CELF1: variants seen among roughly 807,000 people sequenced by gnomAD.
CELF1 encodes the protein CUGBP Elav-like family member 1.
In CELF1, 10 loss-of-function variants were observed where a neutral mutation model predicts 61.8. The ratio of observed to expected loss-of-function variants is 0.16; its 90% CI spans 0.10 to 0.27. The LOEUF (loss-of-function observed/expected upper bound fraction) is 0.27. CELF1 is among the 10% of genes least tolerant of loss of function. The pLI is 1.00. For synonymous variants in CELF1, 236 were observed against 225.1 expected (o/e 1.05, Z -0.43); for missense variants, 380 against 639.1 (o/e 0.59, Z 4.37).
At chr11:47,554,357 T>G (rs1419976369), upstream of CELF1, among the ~76,000 whole-genome samples, 2 of 152,184 alleles carry the variant, frequency 1.3e-5, no homozygotes, top group African/African-American at 4.8e-5. Flanking sequence ...ATCCTATATT[T>G]ATAGACCATT....
chr11:47,545,850 CGTGTGT>C (rs1206141521), intron 1 of CELF1, among the ~76,000 whole-genome samples: 3 of 124,132 alleles, frequency 2.4e-5, no homozygotes, highest in East Asian at 2.3e-4. Flanking sequence ...CATATGTATA[CGTGTGT>C]GTGTGTGTGT....
chr11:47,533,847 A>C (rs2153698221), intron 1 of CELF1, among the ~76,000 whole-genome samples: 2 of 149,142 alleles, frequency 1.3e-5, no homozygotes, highest in South Asian at 4.2e-4. Flanking sequence ...ATTTATAACT[A>C]TTTTAGTGAC....
chr11:47,503,405 C>T (rs895365889), intron 1 of CELF1, among the ~76,000 whole-genome samples: 4 of 152,144 alleles, frequency 2.6e-5, no homozygotes, highest in Non-Finnish European at 4.4e-5. Context: ...AGATTTTACA[C>T]TTCCACCCCA....
In CELF1 at chr11:47,480,089, C is replaced by CG. The variant is rs1366108590; in HGVS notation, c.769-1138_769-1137insC. 7.5e-4 allele frequency among the ~76,000 whole-genome samples: 104 copies of CG among 139,162 alleles called. 1 individual carries two copies. The highest frequency in any genetic ancestry group is 2.7e-3 in the African/African-American group (100 of 37,614). 91.3% of individuals were successfully genotyped at this position (139,162 alleles called of 152,430 possible). On this transcript the variant is annotated intron_variant, in intron 9 of 14. Transcript: ENST00000687097. ...CAGTCCACTAGCACCCACGTCTACA[C>CG]TTTTTTTTTTTTTTTTTTGAGACGG...
chr11:47,484,756 G>A (rs1022061936), intron 6 of CELF1, among the ~76,000 whole-genome samples: 5 of 152,140 alleles, frequency 3.3e-5, no homozygotes, highest in Non-Finnish European at 4.4e-5. Context: ...TCGGCTCACC[G>A]CAAGCTCCGC....
At chr11:47,497,363 C>T (rs2093311923) in intron 3 of CELF1, among the ~76,000 whole-genome samples, 1 of 152,154 alleles carries the variant, frequency 6.6e-6, no homozygotes. Flanking sequence ...CCAGTGGAAG[C>T]TTAAGAGTGA....
chr11:47,541,777 AG>A (rs2096802611), intron 1 of CELF1, among the ~76,000 whole-genome samples: 5 of 16,710 alleles, frequency 3.0e-4, no homozygotes, highest in African/African-American at 6.0e-4. Context: ...AACGAAAGAA[AG>A]AACGAAAGAA....
chr11:47,547,093 A>T (rs12805198), intron 1 of CELF1, among the ~76,000 whole-genome samples: 4 of 141,310 alleles, frequency 2.8e-5, no homozygotes, highest in Non-Finnish European at 4.7e-5. Context: ...AAAAAAAAAA[A>T]GAAAGAAAGA....
chr11:47,507,463 A>C (rs2094603116), intron 1 of CELF1, among the ~76,000 whole-genome samples: 1 of 147,924 alleles, frequency 6.8e-6, no homozygotes. Flanking sequence ...CACTGAAACA[A>C]AAAAAAAAAT....
chr11:47,474,781 C>T (rs2079249106), intron 13 of CELF1, among the ~76,000 whole-genome samples: 1 of 152,196 alleles, frequency 6.6e-6, no homozygotes, highest in Admixed American at 6.5e-5. Flanking sequence ...CACCTTCAGG[C>T]CTCTTTCTGG....
chr11:47,503,321 G>C (rs1338839849), intron 1 of CELF1, among the ~76,000 whole-genome samples: 1 of 152,008 alleles, frequency 6.6e-6, no homozygotes, highest in African/African-American at 2.4e-5. Context: ...GCACAGTTAA[G>C]CAAAAAAGCC....
chr11:47,501,277 C>A (rs1399541232), intron 1 of CELF1, among the ~76,000 whole-genome samples: 1 of 152,148 alleles, frequency 6.6e-6, no homozygotes, highest in Non-Finnish European at 1.5e-5. Flanking sequence ...GGAGACTGTG[C>A]AACTGACACA....
At chr11:47,523,302 G>A (rs2096052636) in intron 1 of CELF1, 1 of 152,134 alleles carries the variant, frequency 6.6e-6, no homozygotes, top group South Asian at 2.1e-4. Context: ...TCCAATGACA[G>A]GCTCTACATA....
At chr11:47,495,942 C>T in intron 3 of CELF1, 1 of 981,276 alleles carries the variant, frequency 1.0e-6, no homozygotes, top group Non-Finnish European at 1.2e-6. Context: ...CAGATACTTA[C>T]CAATCCCTCC....
At chr11:47,561,918 A>C (rs754357141) in intron 2 of CELF1, among the ~76,000 whole-genome samples, 1 of 151,954 alleles carries the variant, frequency 6.6e-6, no homozygotes, top group Non-Finnish European at 1.5e-5. Context: ...ATCAACACAC[A>C]AGTGATATCT....
chr11:47,524,581 T>C (rs2096139353), intron 1 of CELF1: 1 of 152,194 alleles, frequency 6.6e-6, no homozygotes, highest in Admixed American at 6.6e-5. Context: ...GACAGATGGA[T>C]GCACGTAAGA....
At chr11:47,476,990 C>T in intron 11 of CELF1, 31 bp from the exon 12 acceptor site, 1 of 1,544,558 alleles carries the variant, frequency 6.5e-7, no homozygotes, top group Non-Finnish European at 9.0e-7. Context: ...AAAATTCAAC[C>T]CATCACTGGC....
At chr11:47,552,738 C>T (rs1389030887) in intron 1 of CELF1, among the ~76,000 whole-genome samples, 3 of 152,140 alleles carry the variant, frequency 2.0e-5, no homozygotes, top group Non-Finnish European at 4.4e-5. Context: ...AGCAAAGCCA[C>T]GAGGAGGGCG....
At chr11:47,510,123 T>C (rs2094987522) in intron 1 of CELF1, among the ~76,000 whole-genome samples, 1 of 151,956 alleles carries the variant, frequency 6.6e-6, no homozygotes, top group African/African-American at 2.4e-5. Context: ...AAGGGCAAGC[T>C]AGCTGAGAGT....
Sources: gnomAD v4.1 joint callset for allele counts (sites outside exome capture counted in the v4.1 genomes callset) on GRCh38, gnomAD v4.1.1 for gene constraint, MANE v1.5 for transcripts, NCBI Gene and HGNC (gene_info 2026-07-23, HGNC 2026-07-21) for gene names.